NEMP2: variants seen among roughly 807,000 people sequenced by gnomAD.
NEMP2 encodes UPF0571 transmembrane protein.
Under a neutral mutation model 54.2 loss-of-function variants are expected in NEMP2, and 53 were observed. The ratio of observed to expected loss-of-function variants is 0.98; its 90% CI spans 0.78 to 1.23. The LOEUF (loss-of-function observed/expected upper bound fraction) is 1.23. Among genes scored for constraint, NEMP2 ranks in the 50% most tolerant of loss-of-function variants. NEMP2 has a pLI of 0.00. For missense variants in NEMP2, 455 were observed against 511.3 expected, an observed-to-expected ratio of 0.89 and a Z score of 1.06; for synonymous variants, 197 against 190.3, an observed-to-expected ratio of 1.04 and a Z score of -0.29.
the NEMP2 span, among the ~76,000 whole-genome samples, chr2:190,645,664 TA>T: frequency 9.2e-5 from 14 of 152,244 alleles, 1 homozygote; most frequent in Admixed American, 9.2e-4. Context: ...CAGCAGTGAA[TA>T]AAAAATTCTG....
At chr2:190,645,265 G>T in the NEMP2 span, among the ~76,000 whole-genome samples, 1 of 152,086 alleles carries the variant, frequency 6.6e-6, no homozygotes. Flanking sequence ...TAAAAAAACA[G>T]AATTTGATAT....
chr2:190,557,333 A>G, the NEMP2 span, among the ~76,000 whole-genome samples: 14 of 152,360 alleles, frequency 9.2e-5, no homozygotes, highest in Admixed American at 9.1e-4. Context: ...TACAAGATGG[A>G]TTAAAGACTT....
Position 190,510,301 on chromosome 2 carries a change from A to ATAT in NEMP2, c.1130+57_1130+59dup. On this transcript the variant is annotated intron_variant, in intron 8 of 8. Transcript: ENST00000409150. This position sits in a 1 kb window ranked among gnomAD's most constrained non-coding sequence, Gnocchi z 5.7. ...CCTGAAGTGCCTGTACCAAACCATCATATTATTTTTTAAATCATTCTGAAC... is the reference window on the plus strand; with the variant it reads ...CCTGAAGTGCCTGTACCAAACCATCATATTATTATTTTTTAAATCATTCTGAAC... 6.5e-7 allele frequency: 1 copy of ATAT among 1,533,468 alleles called. No individual in the cohort carries two copies. Among genetic ancestry groups the ATAT allele is most frequent in the Non-Finnish European group, 8.8e-7 (1 of 1,132,862 alleles). The allele number at this position is 1,533,468 out of a possible 1,614,324, so 95.0% of individuals were successfully genotyped here. A position where few individuals can be genotyped will look rare whatever the true frequency, so the allele number is the denominator to read the frequency against.
At chr2:190,435,807 A>C in the NEMP2 span, 1 of 554,612 alleles carries the variant, frequency 1.8e-6, no homozygotes, top group Non-Finnish European at 3.0e-6. Context: ...ATTTTTTTAA[A>C]AGCTATTTTT....
At chr2:190,423,236 C>T in the NEMP2 span, among the ~76,000 whole-genome samples, 2 of 152,314 alleles carry the variant, frequency 1.3e-5, no homozygotes, top group Middle Eastern at 3.4e-3. The surrounding 1 kb of genome is among the most constrained non-coding windows in gnomAD (Gnocchi z 4.3). Flanking sequence ...TTCTCTCTGT[C>T]GCCACCAAGG....
chr2:190,531,599 T>C lies in NEMP2; in HGVS notation c.97+2960A>G, dbSNP rs886978710. Reference sequence around the variant, plus strand: ...GTCAGGGTTCCCTTAACCAATGAGATAGATTCCTTAGTTCATTTTAAATAC... The same window carrying C: ...GTCAGGGTTCCCTTAACCAATGAGACAGATTCCTTAGTTCATTTTAAATAC... On this transcript the variant is annotated intron_variant, in intron 1 of 8. Transcript: ENST00000409150. The surrounding 1 kb of genome is among the most constrained non-coding windows in gnomAD (Gnocchi z 4.7). 2.0e-5 allele frequency among the ~76,000 whole-genome samples: 3 copies of C among 152,184 alleles called. No homozygotes were observed. The highest frequency in any genetic ancestry group is 4.4e-5 in the Non-Finnish European group (3 of 68,032).
At chr2:190,542,478 C>A in the NEMP2 span, among the ~76,000 whole-genome samples, 8 of 152,324 alleles carry the variant, frequency 5.3e-5, no homozygotes, top group Admixed American at 4.6e-4. The surrounding 1 kb of genome is among the most constrained non-coding windows in gnomAD (Gnocchi z 4.6). Context: ...TCCCAAAGTG[C>A]TGGGATTACA....
the NEMP2 span, among the ~76,000 whole-genome samples, chr2:190,480,431 A>G: frequency 6.6e-6 from 1 of 152,250 alleles, no homozygotes; most frequent in African/African-American, 2.4e-5. Context: ...AAGAAATTCT[A>G]TCTCAAAAAC....
downstream of NEMP2, chr2:190,501,397 G>A (rs750979593): frequency 6.6e-6 from 1 of 152,172 alleles, no homozygotes; most frequent in African/African-American, 2.4e-5. Context: ...AACTGCAAAC[G>A]TTACAACTGC....
chr2:190,612,076 A>G, the NEMP2 span, among the ~76,000 whole-genome samples: 1 of 151,622 alleles, frequency 6.6e-6, no homozygotes, highest in African/African-American at 2.4e-5. Context: ...ATTCCCTTTC[A>G]TAAATTCTTT....
the NEMP2 span, among the ~76,000 whole-genome samples, chr2:190,555,663 G>A: frequency 6.6e-6 from 1 of 152,050 alleles, no homozygotes; most frequent in Non-Finnish European, 1.5e-5. This position sits in a 1 kb window ranked among gnomAD's most constrained non-coding sequence, Gnocchi z 4.8. Context: ...AGAAATATGG[G>A]ACTTTGTGAA....
chr2:190,490,876 A>C, the NEMP2 span, among the ~76,000 whole-genome samples: 2 of 152,350 alleles, frequency 1.3e-5, no homozygotes, highest in South Asian at 4.1e-4. The surrounding 1 kb of genome is among the most constrained non-coding windows in gnomAD (Gnocchi z 4.5). Context: ...GAAGCCTCAG[A>C]GACAGATTTT....
the NEMP2 span, among the ~76,000 whole-genome samples, chr2:190,452,319 A>C: frequency 2.2e-4 from 34 of 152,242 alleles, 1 homozygote; most frequent in South Asian, 7.0e-3. Context: ...CAAAAATTAT[A>C]ATTATGGGAT....
At chr2:190,572,834 T>C in the NEMP2 span, among the ~76,000 whole-genome samples, 43 of 37,744 alleles carry the variant, frequency 1.1e-3, no homozygotes, top group South Asian at 2.1e-3. Context: ...TTTTCATGAG[T>C]ATATATATAT....
At chr2:190,637,396 CTACAAGA>C in the NEMP2 span, among the ~76,000 whole-genome samples, 2 of 152,236 alleles carry the variant, frequency 1.3e-5, no homozygotes, top group Non-Finnish European at 2.9e-5. This position sits in a 1 kb window ranked among gnomAD's most constrained non-coding sequence, Gnocchi z 4.5. Context: ...AGAACTACAG[CTACAAGA>C]TAAAGTCCAC....
At chr2:190,572,749 A>T in the NEMP2 span, among the ~76,000 whole-genome samples, 1 of 148,016 alleles carries the variant, frequency 6.8e-6, no homozygotes, top group Non-Finnish European at 1.5e-5. Flanking sequence ...ATCAATAATT[A>T]TTTAATTCTT....
At chr2:190,568,243 A>G in the NEMP2 span, 1 of 152,200 alleles carries the variant, frequency 6.6e-6, no homozygotes, top group African/African-American at 2.4e-5. The surrounding 1 kb of genome is among the most constrained non-coding windows in gnomAD (Gnocchi z 4.7). Context: ...CTGGAGAGCA[A>G]CAAGTGAGAT....
chr2:190,441,813 C>G, the NEMP2 span, among the ~76,000 whole-genome samples: 22 of 152,236 alleles, frequency 1.4e-4, no homozygotes, highest in African/African-American at 5.1e-4. Flanking sequence ...ACAACATTCT[C>G]TCCTCTCTTT....
rs1304423392 is a variant in NEMP2 at position 190,527,067 on chromosome 2, G to A, written c.98-1689C>T. Among the ~76,000 whole-genome samples, 1 of 152,150 alleles carries A rather than the reference G, an allele frequency of 6.6e-6. No homozygotes were observed. The highest frequency in any genetic ancestry group is 2.4e-5 in the African/African-American group (1 of 41,416). ...TAAGTTCTTCCGGATTCAAGATAGA[G>A]TGTCACCTCCACATCTGTTCTTTAG... On this transcript the variant is annotated intron_variant, in intron 1 of 8. Transcript: ENST00000409150. This position sits in a 1 kb window ranked among gnomAD's most constrained non-coding sequence, Gnocchi z 4.0.
Sources: allele counts gnomAD v4.1 joint callset (sites outside exome capture counted in the v4.1 genomes callset), GRCh38; gene constraint gnomAD v4.1.1; non-coding constraint Gnocchi (gnomAD v3.1); transcripts MANE v1.5; gene names NCBI Gene and HGNC (gene_info 2026-07-23, HGNC 2026-07-21).